BRSK1: variants seen among roughly 807,000 people sequenced by gnomAD.
BRSK1 encodes the protein serine/threonine-protein kinase BRSK1.
In BRSK1, 17 loss-of-function variants were observed where a neutral mutation model predicts 86.2. That is an observed-to-expected ratio of 0.20 (90% CI 0.14 to 0.30). BRSK1 has a LOEUF of 0.30. Among genes scored for constraint, BRSK1 ranks in the 10% least tolerant of loss-of-function variants. BRSK1 has a pLI of 1.00. For synonymous variants in BRSK1, 464 were observed against 440.1 expected, an observed-to-expected ratio of 1.05 and a Z score of -0.68; for missense variants, 719 against 1,071.9, an observed-to-expected ratio of 0.67 and a Z score of 4.60.
rs763349147 is a variant in BRSK1, at chr19:55,302,327, G to C, written c.857+159G>C. 111 of 869,048 alleles carry C rather than the reference G, an allele frequency of 1.3e-4. No homozygotes were observed. The highest frequency in any genetic ancestry group is 1.9e-4 in the Non-Finnish European group (98 of 520,266). 53.8% of individuals were successfully genotyped at this position (869,048 alleles called of 1,614,324 possible). On this transcript the variant is annotated intron_variant, in intron 9 of 18. Coordinates refer to ENST00000309383, the MANE Select transcript of BRSK1 (RefSeq NM_032430.2). This position sits in a 1 kb window ranked among gnomAD's most constrained non-coding sequence, Gnocchi z 6.3. The stretch of plus-strand genomic sequence containing the variant: ...CCTGGGGGAAGAGGACACAGCTAGA[G>C]AAGGAGTCTAGGGGTCAGAGGCAGG...
chr19:55,292,233 T>G (rs893482003), intron 4 of BRSK1, among the ~76,000 whole-genome samples: 4 of 152,160 alleles, frequency 2.6e-5, no homozygotes, highest in Non-Finnish European at 5.9e-5. Flanking sequence ...CACCAACCCT[T>G]AAACCTTGAG....
intron 4 of BRSK1, among the ~76,000 whole-genome samples, chr19:55,290,129 G>T (rs1042771979): frequency 6.6e-6 from 1 of 151,902 alleles, no homozygotes; most frequent in East Asian, 1.9e-4. Flanking sequence ...GGAGTAGCTG[G>T]GATTACAGGT....
In BRSK1 at chr19:55,294,431, A is replaced by G. The variant is rs749913408; in HGVS notation, c.678+34A>G. The G allele has an allele frequency of 1.2e-6, 2 of 1,610,202 alleles. No homozygotes were observed. Among genetic ancestry groups the G allele is most frequent in the Non-Finnish European group, 1.7e-6 (2 of 1,178,200 alleles). On this transcript the variant is annotated intron_variant, in intron 7 of 18. Coordinates refer to ENST00000309383, the MANE Select transcript of BRSK1 (RefSeq NM_032430.2). This position sits in a 1 kb window ranked among gnomAD's most constrained non-coding sequence, Gnocchi z 4.9. ...CCCTCACCTCTCCTGTCATTTCTAG[A>G]TCAATCCCACCTGGTGGGAGCATAG...
chr19:55,293,034 A>G (rs1600175555), intron 4 of BRSK1, among the ~76,000 whole-genome samples: 1 of 151,906 alleles, frequency 6.6e-6, no homozygotes, highest in East Asian at 2.0e-4. Context: ...CTTAGCCAAA[A>G]GGCCGAGAAG....
intron 18 of BRSK1, 54 bp downstream of exon 18, chr19:55,308,782 G>A (rs2088711999): frequency 6.6e-6 from 1 of 150,888 alleles, no homozygotes; most frequent in African/African-American, 1.6e-4. Context: ...GGCCGTGGGT[G>A]GCGGGGGGCG....
At position 55,284,323 on chromosome 19, in the gene BRSK1, A is replaced by G; in HGVS notation, c.-120A>G. The G allele has an allele frequency of 1.2e-6, 1 of 807,896 alleles. No homozygotes were observed. Among genetic ancestry groups the G allele is most frequent in the Non-Finnish European group, 1.7e-6 (1 of 605,094 alleles). 50.0% of individuals were successfully genotyped at this position (807,896 alleles called of 1,614,324 possible). On this transcript the variant is annotated 5_prime_UTR_variant, in exon 1 of 19. Transcript: ENST00000309383. The stretch of plus-strand genomic sequence containing the variant: ...AGCCCAGCCCCCTGGGGACCCCCGG[A>G]GAGGTGGGGGGCAGCCGGGGGGGCC...
chr19:55,296,452 C>A (rs1004979049), intron 7 of BRSK1, among the ~76,000 whole-genome samples: 2 of 152,158 alleles, frequency 1.3e-5, no homozygotes, highest in African/African-American at 4.8e-5. Context: ...AATCCCAGCA[C>A]TTTGGGAGGC....
At position 55,289,563 on chromosome 19, in the gene BRSK1, G is replaced by A. The variant is rs777034190; in HGVS notation, c.401G>A (p.Arg134Gln). ...GGGAGACTGACGCCCAAGGAGGCCC[G>A]AAAGTTCTTCCGCCAGATTGTGTCT... ...KKGRLTPKEA[R>Q]KFFRQIVSAL... The change falls in exon 4 of 19, where the codon CGA (arginine) becomes CAA (glutamine). Residue 134 changes from arginine to glutamine, a missense_variant. Physicochemically the swap from Arg to Gln is conservative, Grantham distance 43. Around this residue, in one of 6 missense-constraint regions of BRSK1, gnomAD observed 75 missense variants for 281.0 expected, o/e 0.27. Transcript: ENST00000309383. The A allele has an allele frequency of 1.9e-6, 3 of 1,614,110 alleles. No individual in the cohort carries two copies. The highest frequency in any genetic ancestry group is 2.5e-6 in the Non-Finnish European group (3 of 1,180,006).
At chr19:55,290,893 G>C (rs567940720) in intron 4 of BRSK1, among the ~76,000 whole-genome samples, 2 of 151,468 alleles carry the variant, frequency 1.3e-5, no homozygotes, top group African/African-American at 2.4e-5. Flanking sequence ...CGTCCGCCTC[G>C]GCCTCCCAAA....
At chr19:55,298,104 T>C (rs2088514961) in intron 7 of BRSK1, among the ~76,000 whole-genome samples, 1 of 148,336 alleles carries the variant, frequency 6.7e-6, no homozygotes, top group African/African-American at 2.5e-5. Context: ...CGTGAGCCAC[T>C]TCCCCCAGCC....
In BRSK1 at chr19:55,287,934, C is replaced by G. The variant is rs1355460415; in HGVS notation, c.317+635C>G. The G allele has an allele frequency of 6.4e-6, 1 of 155,520 alleles. No individual in the cohort carries two copies. Among genetic ancestry groups the G allele is most frequent in the African/African-American group, 2.4e-5 (1 of 41,462 alleles). The allele number at this position is 155,520 out of a possible 1,614,324, so 9.6% of individuals were successfully genotyped here. On this transcript the variant is annotated intron_variant, in intron 3 of 18. Transcript: ENST00000309383. The surrounding 1 kb of genome is among the most constrained non-coding windows in gnomAD (Gnocchi z 5.3). ...CGGAGAGGGGACAGCCCTCGTGTTC[C>G]CCCCCGGCACCCAGTCCCCCGGATG...
Position 55,302,810 on chromosome 19 carries a change from C to T in BRSK1, c.971C>T (p.Ala324Val), listed in dbSNP as rs1417719732. ...ELDPDVLESM[A>V]SLGCFRDRER... ...GACCCCGACGTCCTAGAGAGCATGG[C>T]ATCACTGGGCTGCTTCAGGGACCGC... The change falls in exon 10 of 19, where the codon GCA becomes GTA. Residue 324 changes from alanine to valine, a missense_variant. Ala to Val is a moderately conservative substitution (Grantham distance 64). This residue lies in a region of BRSK1 where 168 missense variants were observed against 246.3 expected (regional missense o/e 0.68). Transcript: ENST00000309383. This position sits in a 1 kb window ranked among gnomAD's most constrained non-coding sequence, Gnocchi z 6.3. 6.2e-7 allele frequency: 1 copy of T among 1,613,878 alleles called. No individual in the cohort carries two copies. The highest frequency in any genetic ancestry group is 1.1e-5 in the South Asian group (1 of 91,090).
Position 55,291,730 on chromosome 19 carries a change from A to G in BRSK1, c.458+2110A>G, listed in dbSNP as rs1314749009. 3.3e-5 allele frequency among the ~76,000 whole-genome samples: 5 copies of G among 152,118 alleles called. No homozygotes were observed. The South Asian group carries it at 1.0e-3, about 31-fold the overall frequency. On this transcript the variant is annotated intron_variant, in intron 4 of 18. Transcript: ENST00000309383. ...CAGACTTTGGGTAAAGCTTGATGAT[A>G]AAAAGGCCACCTACTTAAATTTTCG... is the stretch of plus-strand genomic sequence containing the variant.
chr19:55,290,885 T>G (rs934779949), intron 4 of BRSK1, among the ~76,000 whole-genome samples: 5 of 151,780 alleles, frequency 3.3e-5, no homozygotes, highest in African/African-American at 1.2e-4. Context: ...TCGTAATCCG[T>G]CCGCCTCGGC....
In BRSK1 at chr19:55,302,089, G is replaced by C. The variant is rs76773991; in HGVS notation, c.826-48G>C. The C allele has an allele frequency of 0.028, 44,679 of 1,612,194 alleles. 738 individuals are homozygous for C. Among genetic ancestry groups the C allele is most frequent in the Non-Finnish European group, 0.031 (37,033 of 1,178,196 alleles). ...CCAGTCTTTCATTGCGCGCCTACAT[G>C]TGCCTACGACCTCACTTCTGCTTCT... On this transcript the variant is annotated intron_variant, in intron 8 of 18. Transcript: ENST00000309383. The surrounding 1 kb of genome is among the most constrained non-coding windows in gnomAD (Gnocchi z 6.3).
Position 55,284,256 on chromosome 19 carries a change from C to T in BRSK1, c.-187C>T. 2 of 459,564 alleles carry T rather than the reference C, an allele frequency of 4.4e-6. No homozygotes were observed. The highest frequency in any genetic ancestry group is 6.9e-6 in the Non-Finnish European group (2 of 288,296). The allele number at this position is 459,564 out of a possible 1,614,324, so 28.5% of individuals were successfully genotyped here. On this transcript the variant is annotated 5_prime_UTR_variant, in exon 1 of 19. Transcript: ENST00000309383. ...CGGGGCCTGACCCCCCCGGGCCAGC[C>T]CCCCCTCCCCCAGCTCCGCGGCCCG...
In BRSK1 at chr19:55,306,493, T is replaced by TGTTCACGACAGCTGAGACA. The variant is rs770773198; in HGVS notation, c.2089+46_2089+64dup. ...GCTGCCTGCAGCCCAGTGCTGGGAC[T>TGTTCACGACAGCTGAGACA]GTTCACGACAGCTGAGACAGTGTAG... On this transcript the variant is annotated intron_variant, in intron 17 of 18. Transcript: ENST00000309383. The surrounding 1 kb of genome is among the most constrained non-coding windows in gnomAD (Gnocchi z 4.7). 2.5e-6 allele frequency: 4 copies of TGTTCACGACAGCTGAGACA among 1,601,426 alleles called. No individual in the cohort carries two copies. The highest frequency in any genetic ancestry group is 1.1e-5 in the South Asian group (1 of 90,922).
intron 1 of BRSK1, among the ~76,000 whole-genome samples, 158 bp from the exon 2 acceptor site, chr19:55,286,849 G>A (rs963816196): frequency 3.3e-5 from 5 of 151,962 alleles, no homozygotes; most frequent in Non-Finnish European, 5.9e-5. Context: ...TGGGAGTGTG[G>A]GCTCTCAGCC....
rs1033133490 is a variant in BRSK1, at chr19:55,306,645, C to T, written c.2089+195C>T. The stretch of plus-strand genomic sequence containing the variant: ...TATTTCCCCACTCTCATCAGCATTT[C>T]CCTGGCATTTACAGTGTAAATAATG... On this transcript the variant is annotated intron_variant, in intron 17 of 18. Transcript: ENST00000309383. This position sits in a 1 kb window ranked among gnomAD's most constrained non-coding sequence, Gnocchi z 4.7. 6.6e-6 allele frequency among the ~76,000 whole-genome samples: 1 copy of T among 152,214 alleles called. No homozygotes were observed. The highest frequency in any genetic ancestry group is 1.9e-4 in the East Asian group (1 of 5,204).
Sources: gnomAD v4.1 joint callset for allele counts (sites outside exome capture counted in the v4.1 genomes callset) on GRCh38, gnomAD v4.1.1 for gene constraint, gnomAD v4.1.1 regional missense constraint, Gnocchi (gnomAD v3.1) non-coding constraint, MANE v1.5 for transcripts, NCBI Gene and HGNC (gene_info 2026-07-23, HGNC 2026-07-21) for gene names.